The following SEMA3E variants were observed in gnomAD, a reference collection of about 807,000 sequenced individuals.
SEMA3E encodes semaphorin-3E.
A neutral mutation model predicts 93.6 loss-of-function variants in SEMA3E; 49 were observed. The observed-to-expected ratio is 0.52, with a 90% CI of 0.42 to 0.66. The LOEUF is 0.66. Among genes scored for constraint, SEMA3E ranks in the 30% least tolerant of loss-of-function variants. SEMA3E has a pLI of 0.00. For missense variants in SEMA3E, 906 were observed against 964.8 expected, an observed-to-expected ratio of 0.94 and a Z score of 0.81; for synonymous variants, 363 against 330.7, an observed-to-expected ratio of 1.10 and a Z score of -1.06.
chr7:83,370,941 T>C (rs1464386399), intron 16 of SEMA3E, among the ~76,000 whole-genome samples: 1 of 152,166 alleles, frequency 6.6e-6, no homozygotes, highest in African/African-American at 2.4e-5. Context: ...GCCTGAGCAG[T>C]AAGAATTGCT....
intron 14 of SEMA3E, among the ~76,000 whole-genome samples, chr7:83,388,128 G>A (rs1027661714): frequency 1.7e-4 from 25 of 148,120 alleles, no homozygotes; most frequent in African/African-American, 5.9e-4. Flanking sequence ...GACCAACATG[G>A]TGAAACCCCG....
chr7:83,407,118 G>A lies in SEMA3E; in HGVS notation c.792C>T (p.Thr264=). The change falls in exon 7 of 17, where the codon ACC becomes ACT. Residue 264 remains threonine, a synonymous_variant. Transcript: ENST00000643230. ...TCACCACACAGAGTCGCCCGACCCT[G>A]GTGTAAATTGCGTGAGCATTGTTTT... ...EAENNAHAIY[T]RVGRLCVNDV... The A allele has an allele frequency of 6.2e-7, 1 of 1,613,494 alleles. No individual in the cohort carries two copies. Among genetic ancestry groups the A allele is most frequent in the Non-Finnish European group, 8.5e-7 (1 of 1,179,752 alleles).
At chr7:83,496,429 T>C (rs1363895886) in intron 1 of SEMA3E, among the ~76,000 whole-genome samples, 1 of 152,036 alleles carries the variant, frequency 6.6e-6, no homozygotes, top group African/African-American at 2.4e-5. Flanking sequence ...ACAAGATAAA[T>C]AGAAAAATTC....
chr7:83,567,035 A>G (rs1185534751), intron 1 of SEMA3E, among the ~76,000 whole-genome samples: 1 of 152,204 alleles, frequency 6.6e-6, no homozygotes, highest in Non-Finnish European at 1.5e-5. Flanking sequence ...ATCTCTCCAG[A>G]TACACATAGA....
chr7:83,526,351 G>A (rs1791158888), intron 1 of SEMA3E, among the ~76,000 whole-genome samples: 1 of 152,000 alleles, frequency 6.6e-6, no homozygotes, highest in African/African-American at 2.4e-5. Context: ...GTACTTCAGT[G>A]CAAAGATACT....
intron 1 of SEMA3E, among the ~76,000 whole-genome samples, chr7:83,564,539 C>T (rs1182628088): frequency 6.6e-6 from 1 of 152,182 alleles, no homozygotes; most frequent in Admixed American, 6.5e-5. Context: ...TCCATCAATA[C>T]ATAACCCTAA....
In SEMA3E at chr7:83,408,491, C is replaced by T. The variant is rs1788369989; in HGVS notation, c.551-4G>A. The T allele has an allele frequency of 4.3e-6, 7 of 1,613,546 alleles. No individual in the cohort carries two copies. Among genetic ancestry groups the T allele is most frequent in the Non-Finnish European group, 5.9e-6 (7 of 1,179,736 alleles). ...AGTCCAGCAAACAATTCACTACCTACACGGGAGCATCAGTAAAAAAGAAGT... is the reference window on the plus strand; with the variant it reads ...AGTCCAGCAAACAATTCACTACCTATACGGGAGCATCAGTAAAAAAGAAGT... On this transcript the variant is annotated splice_region_variant and splice_polypyrimidine_tract_variant and intron_variant, in intron 5 of 16. Coordinates refer to ENST00000643230, the MANE Select transcript of SEMA3E (RefSeq NM_012431.3).
At chr7:83,594,337 C>T (rs981208906) in intron 1 of SEMA3E, among the ~76,000 whole-genome samples, 5 of 152,032 alleles carry the variant, frequency 3.3e-5, no homozygotes, top group African/African-American at 1.2e-4. Flanking sequence ...ATGAAATTAC[C>T]AGGATTTTCC....
At chr7:83,430,065 T>G (rs1019438301) in intron 4 of SEMA3E, among the ~76,000 whole-genome samples, 4 of 152,194 alleles carry the variant, frequency 2.6e-5, no homozygotes, top group Admixed American at 2.6e-4. Flanking sequence ...TTACTGTGTT[T>G]CAGGTATTCA....
At chr7:83,410,676 T>G (rs1291769980) in intron 5 of SEMA3E, among the ~76,000 whole-genome samples, 1 of 152,084 alleles carries the variant, frequency 6.6e-6, no homozygotes, top group Non-Finnish European at 1.5e-5. Context: ...TACCTGGAAT[T>G]CAGTCTGCAT....
chr7:83,406,004 G>A lies in SEMA3E; in HGVS notation c.869C>T (p.Ala290Val), dbSNP rs749567149. The change falls in exon 8 of 17, where the codon GCG (alanine) becomes GTG (valine). Residue 290 changes from alanine (A) to valine (V), a missense_variant. Coordinates refer to ENST00000643230, the MANE Select transcript of SEMA3E (RefSeq NM_012431.3). ...TCCTGGTACTGAGCAAACGAGTCTC[G>A]CTTTTAGGAAAGTGCTCCACTTATT... ...LVNKWSTFLK[A>V]RLVCSVPGMN... 1.2e-5 allele frequency: 19 copies of A among 1,613,238 alleles called. No homozygotes were observed. Among genetic ancestry groups the A allele is most frequent in the African/African-American group, 2.7e-5 (2 of 74,948 alleles).
At chr7:83,488,906 C>A (rs1048977818) in intron 2 of SEMA3E, among the ~76,000 whole-genome samples, 1 of 151,326 alleles carries the variant, frequency 6.6e-6, no homozygotes, top group South Asian at 2.1e-4. Context: ...GAAACTAATA[C>A]AAAAATCTTA....
Position 83,407,226 on chromosome 7 carries a change from T to C in SEMA3E, c.684A>G (p.Val228=). 1 of 1,613,062 alleles carries C rather than the reference T, an allele frequency of 6.2e-7. No individual in the cohort carries two copies. Among genetic ancestry groups the C allele is most frequent in the Non-Finnish European group, 8.5e-7 (1 of 1,179,614 alleles). ...DERLLKEPKF[V]GSYMIPDNED... ...CATTGTCAGGAATCATGTATGAACC[T>C]ACAAATTTTGGTTCTATAGGAGCAA... Residue 228 remains valine, a synonymous_variant, in exon 7 of 17, where the codon GTA becomes GTG. Coordinates refer to ENST00000643230, the MANE Select transcript of SEMA3E (RefSeq NM_012431.3).
intron 4 of SEMA3E, among the ~76,000 whole-genome samples, chr7:83,432,854 A>G (rs1788919339): frequency 6.6e-6 from 1 of 152,176 alleles, no homozygotes. Context: ...ATAAACATTG[A>G]TCAATACAGA....
At chr7:83,488,808 A>G (rs12707587) in intron 2 of SEMA3E, among the ~76,000 whole-genome samples, 14 of 152,218 alleles carry the variant, frequency 9.2e-5, no homozygotes, top group Admixed American at 2.6e-4. Context: ...TTAAAAACCA[A>G]AACATTGTAA....
At chr7:83,465,089 C>A (rs868029813) in intron 4 of SEMA3E, among the ~76,000 whole-genome samples, 4 of 152,026 alleles carry the variant, frequency 2.6e-5, no homozygotes, top group African/African-American at 9.7e-5. Context: ...GTGTAAATGG[C>A]TGGTCTTTGC....
chr7:83,423,828 G>T (rs1788718510), intron 4 of SEMA3E, among the ~76,000 whole-genome samples: 1 of 151,964 alleles, frequency 6.6e-6, no homozygotes, highest in Non-Finnish European at 1.5e-5. Context: ...TAAAAATAGG[G>T]TACAGTGTAT....
chr7:83,523,648 C>A (rs1443829592), intron 1 of SEMA3E, among the ~76,000 whole-genome samples: 2 of 151,976 alleles, frequency 1.3e-5, no homozygotes, highest in Non-Finnish European at 2.9e-5. Flanking sequence ...CCCTCTCTGG[C>A]CAATCACCCT....
At position 83,470,877 on chromosome 7, in the gene SEMA3E, TTGG is replaced by T. The variant is rs1167254191; in HGVS notation, c.277-1578_277-1576del. ...CCCACATTTTCTTTTTTTTTTTTTT[TTGG>T]ATCTTAAAGTGGAAAACATGTTTAT... On this transcript the variant is annotated intron_variant, in intron 2 of 16. Coordinates refer to ENST00000643230, the MANE Select transcript of SEMA3E (RefSeq NM_012431.3). Among the ~76,000 whole-genome samples the T allele has an allele frequency of 1.8e-4, 27 of 151,432 alleles. No individual in the cohort carries two copies. In the South Asian group the frequency reaches 2.5e-3, roughly 14 times the overall value.
Sources: gnomAD v4.1 joint callset for allele counts (sites outside exome capture counted in the v4.1 genomes callset) on GRCh38, gnomAD v4.1.1 for gene constraint, MANE v1.5 for transcripts, NCBI Gene and HGNC (gene_info 2026-07-23, HGNC 2026-07-21) for gene names.